UTS2: variants seen among roughly 807,000 people sequenced by gnomAD.
The protein encoded by UTS2 is urotensin-2.
Under a neutral mutation model 12.6 loss-of-function variants are expected in UTS2, and 10 were observed. The observed-to-expected ratio is 0.80, with a 90% CI of 0.49 to 1.35. UTS2 has a LOEUF of 1.35. Among genes scored for constraint, UTS2 ranks in the 40% most tolerant of loss-of-function variants. The probability of loss-of-function intolerance (pLI) is 0.00; values close to 1 mark genes in which losing one functional copy is unlikely to be tolerated. For missense variants in UTS2, 142 were observed against 143.2 expected (o/e 0.99, Z 0.04); for synonymous variants, 52 against 50.0 (o/e 1.04, Z -0.17).
chr1:7,879,148 T>G, the UTS2 span, among the ~76,000 whole-genome samples: 1 of 152,216 alleles, frequency 6.6e-6, no homozygotes, highest in Non-Finnish European at 1.5e-5. Flanking sequence ...AACTTCACTT[T>G]AGACCAAATG....
the UTS2 span, among the ~76,000 whole-genome samples, chr1:7,870,300 A>C: frequency 6.6e-6 from 1 of 152,358 alleles, no homozygotes; most frequent in African/African-American, 2.4e-5. Flanking sequence ...GAGTGAGGAC[A>C]CAGGGAGAAG....
chr1:7,889,260 C>CAAAAAAAAAAA, the UTS2 span, among the ~76,000 whole-genome samples: 2 of 72,580 alleles, frequency 2.8e-5, no homozygotes, highest in Admixed American at 1.7e-4. Flanking sequence ...CTCATTTCTA[C>CAAAAAAAAAAA]AAAAAAAAAA....
the UTS2 span, among the ~76,000 whole-genome samples, chr1:7,871,741 C>A: frequency 6.6e-6 from 1 of 152,036 alleles, no homozygotes; most frequent in Non-Finnish European, 1.5e-5. Context: ...GTGACCTGTG[C>A]TCAGTGATCT....
At chr1:7,906,429 AAGAAAGAAAGAAAGAAAAAG>A in the UTS2 span, among the ~76,000 whole-genome samples, 1 of 131,572 alleles carries the variant, frequency 7.6e-6, no homozygotes, top group Non-Finnish European at 1.7e-5. Flanking sequence ...GAAAGAAAGG[AAGAAAGAAAGAAAGAAAAAG>A]AGAAAGAAAG....
At chr1:7,853,587 A>C, upstream of UTS2, 1 of 1,063,666 alleles carries the variant, frequency 9.4e-7, no homozygotes, top group East Asian at 2.5e-5. Flanking sequence ...CTCCAGGCTC[A>C]AGACAATTCT....
At chr1:7,901,568 C>A in the UTS2 span, among the ~76,000 whole-genome samples, 1 of 151,630 alleles carries the variant, frequency 6.6e-6, no homozygotes, top group Admixed American at 6.6e-5. Flanking sequence ...TATATACATA[C>A]AGCTGCTATA....
At chr1:7,904,903 CAAAAAAAAA>C in the UTS2 span, among the ~76,000 whole-genome samples, 1 of 58,278 alleles carries the variant, frequency 1.7e-5, no homozygotes, top group African/African-American at 6.1e-5. Flanking sequence ...GACTCTGTCT[CAAAAAAAAA>C]AAAAAAAAAA....
chr1:7,886,441 T>A, the UTS2 span, among the ~76,000 whole-genome samples: 1 of 152,232 alleles, frequency 6.6e-6, no homozygotes, highest in African/African-American at 2.4e-5. Flanking sequence ...TTATTTTGAA[T>A]GAGTAGTACT....
At chr1:7,870,730 T>C in the UTS2 span, among the ~76,000 whole-genome samples, 1 of 152,258 alleles carries the variant, frequency 6.6e-6, no homozygotes, top group African/African-American at 2.4e-5. Flanking sequence ...CTCAAGTTTC[T>C]AAAAACAGAG....
At chr1:7,870,660 A>C in the UTS2 span, among the ~76,000 whole-genome samples, 5 of 152,270 alleles carry the variant, frequency 3.3e-5, no homozygotes, top group African/African-American at 1.2e-4. Flanking sequence ...CCTTATGGTC[A>C]TCAAGGCCTT....
At chr1:7,850,064 G>A (rs888803447) in intron 2 of UTS2, among the ~76,000 whole-genome samples, 16 of 151,566 alleles carry the variant, frequency 1.1e-4, no homozygotes, top group Non-Finnish European at 2.2e-4. Flanking sequence ...CTGCCTCCTG[G>A]GTTCAAGCAA....
the UTS2 span, among the ~76,000 whole-genome samples, chr1:7,907,143 C>G: frequency 6.6e-6 from 1 of 152,104 alleles, no homozygotes; most frequent in African/African-American, 2.4e-5. Context: ...GTAATCCCCG[C>G]TACTTCAGAG....
At chr1:7,912,808 C>T in the UTS2 span, among the ~76,000 whole-genome samples, 1 of 152,048 alleles carries the variant, frequency 6.6e-6, no homozygotes, top group African/African-American at 2.4e-5. Flanking sequence ...CAGGACTTCT[C>T]ACTCTGCCCT....
At chr1:7,908,705 G>C in the UTS2 span, among the ~76,000 whole-genome samples, 1 of 152,020 alleles carries the variant, frequency 6.6e-6, no homozygotes, top group Non-Finnish European at 1.5e-5. Flanking sequence ...ACATAATTGA[G>C]ACTGTAATTT....
chr1:7,862,437 G>T, the UTS2 span, among the ~76,000 whole-genome samples: 1 of 151,098 alleles, frequency 6.6e-6, no homozygotes, highest in Non-Finnish European at 1.5e-5. Flanking sequence ...AATTAATTGC[G>T]GTTTTTGCCA....
chr1:7,859,083 C>T, the UTS2 span, among the ~76,000 whole-genome samples: 6 of 152,036 alleles, frequency 3.9e-5, no homozygotes, highest in Non-Finnish European at 1.5e-5. Flanking sequence ...CATTTTTATG[C>T]GCAGACTTGG....
At chr1:7,893,487 G>T in the UTS2 span, among the ~76,000 whole-genome samples, 1 of 126,790 alleles carries the variant, frequency 7.9e-6, no homozygotes, top group Non-Finnish European at 1.6e-5. Context: ...GCCAGACCCT[G>T]TCTCTAAATA....
the UTS2 span, among the ~76,000 whole-genome samples, chr1:7,862,573 G>C: frequency 2.0e-5 from 3 of 152,108 alleles, no homozygotes; most frequent in Non-Finnish European, 4.4e-5. Flanking sequence ...CGTCTGGTGA[G>C]GGCACTCATG....
the UTS2 span, among the ~76,000 whole-genome samples, chr1:7,904,613 A>T: frequency 2.0e-5 from 3 of 152,180 alleles, no homozygotes; most frequent in East Asian, 3.8e-4. Flanking sequence ...TTATTAAGAC[A>T]TGGAAAAGGG....
Sources: gnomAD v4.1 joint callset for allele counts (sites outside exome capture counted in the v4.1 genomes callset) on GRCh38, gnomAD v4.1.1 for gene constraint, MANE v1.5 for transcripts, NCBI Gene and HGNC (gene_info 2026-07-23, HGNC 2026-07-21) for gene names.